Variants in DUSP29 observed in about 807,000 individuals in gnomAD.
The protein encoded by DUSP29 is dual specificity phosphatase 29.
Under a neutral mutation model 13.5 loss-of-function variants are expected in DUSP29, and 12 were observed. The ratio of observed to expected loss-of-function variants is 0.89; its 90% confidence interval spans 0.57 to 1.44. The LOEUF is 1.44. DUSP29 is among the 40% of genes most tolerant of loss of function. The probability of loss-of-function intolerance (pLI) is 0.00; values close to 1 mark genes in which losing one functional copy is unlikely to be tolerated. For missense variants in DUSP29, 308 were observed against 301.1 expected, an observed-to-expected ratio of 1.02 and a Z score of -0.17; for synonymous variants, 134 against 128.7, an observed-to-expected ratio of 1.04 and a Z score of -0.28.
intron 1 of DUSP29, among the ~76,000 whole-genome samples, chr10:75,070,600 C>T (rs999381140): frequency 6.6e-6 from 1 of 152,116 alleles, no homozygotes; most frequent in African/African-American, 2.4e-5. Flanking sequence ...GTGGGGAATT[C>T]CCAGCTGTAC....
intron 1 of DUSP29, among the ~76,000 whole-genome samples, chr10:75,066,308 C>T (rs1002083337): frequency 1.3e-5 from 2 of 151,942 alleles, no homozygotes; most frequent in African/African-American, 2.4e-5. Context: ...TGCCCCATAG[C>T]TGTGGCAGCC....
At chr10:75,053,361 TC>T (rs1468261838) in intron 2 of DUSP29, among the ~76,000 whole-genome samples, 1 of 152,218 alleles carries the variant, frequency 6.6e-6, no homozygotes, top group Non-Finnish European at 1.5e-5. Flanking sequence ...CGAGCCTAGA[TC>T]CATGTCTTCT....
At chr10:75,054,303 A>T (rs1846909400) in intron 2 of DUSP29, among the ~76,000 whole-genome samples, 1 of 152,362 alleles carries the variant, frequency 6.6e-6, no homozygotes, top group East Asian at 1.9e-4. Context: ...TAGAAAAAAC[A>T]TTATGTGTAA....
Position 75,038,070 on chromosome 10 carries a change from G to C in DUSP29, c.429C>G (p.Ile143Met). The C allele has an allele frequency of 6.2e-7, 1 of 1,612,652 alleles. No individual in the cohort carries two copies. The highest frequency in any genetic ancestry group is 1.1e-5 in the South Asian group (1 of 91,024). Residue 143 changes from isoleucine to methionine, a missense_variant, in exon 4 of 4, where the codon ATC (isoleucine) becomes ATG (methionine). Coordinates refer to ENST00000338487, the MANE Select transcript of DUSP29 (RefSeq NM_001003892.3). ...TGCGGCCCATGACGCAGTGAACCAGGATCTTACCTGCAGATGGAGCAGGGA... is the reference window on the plus strand; with the variant it reads ...TGCGGCCCATGACGCAGTGAACCAGCATCTTACCTGCAGATGGAGCAGGGA... ...DRALSDDHSK[I>M]LVHCVMGRSR...
Position 75,051,220 on chromosome 10 carries a change from G to A in DUSP29, c.200+7095C>T, listed in dbSNP as rs117489386. ...TCCCAAGGCTTCCCCTAGCATGGGG[G>A]ACCCTGGGTGGCAAGGCACAGTGAC... is the stretch of plus-strand genomic sequence containing the variant. On this transcript the variant is annotated intron_variant, in intron 2 of 3. Coordinates refer to ENST00000338487, the MANE Select transcript of DUSP29 (RefSeq NM_001003892.3). Among the ~76,000 whole-genome samples, 24 of 152,290 alleles carry A rather than the reference G, an allele frequency of 1.6e-4. No homozygotes were observed. The East Asian group carries it at 4.4e-3, about 28-fold the overall frequency.
intron 1 of DUSP29, among the ~76,000 whole-genome samples, chr10:75,072,644 GA>G (rs536582231): frequency 1.1e-4 from 16 of 152,032 alleles, no homozygotes; most frequent in Non-Finnish European, 1.8e-4. Flanking sequence ...GGGGGCAGCG[GA>G]AAAAACATCC....
chr10:75,044,207 C>T (rs1030856039), intron 2 of DUSP29, among the ~76,000 whole-genome samples, 190 bp from the exon 3 acceptor site: 2 of 152,216 alleles, frequency 1.3e-5, no homozygotes, highest in African/African-American at 4.8e-5. Flanking sequence ...GATTCTGGCT[C>T]GGCTGTCTCA....
intron 3 of DUSP29, among the ~76,000 whole-genome samples, chr10:75,042,617 G>A (rs2134281559): frequency 6.6e-6 from 1 of 152,324 alleles, no homozygotes; most frequent in Non-Finnish European, 1.5e-5. Flanking sequence ...ATTGCTTTCT[G>A]AGCCAAAATA....
chr10:75,059,179 C>A (rs184514348), intron 1 of DUSP29, among the ~76,000 whole-genome samples: 171 of 152,324 alleles, frequency 1.1e-3, no homozygotes, highest in African/African-American at 3.8e-3. Context: ...CTGGCCATCA[C>A]TGTGTTAACT....
chr10:75,061,991 G>A (rs560454128), intron 1 of DUSP29, among the ~76,000 whole-genome samples: 3 of 152,312 alleles, frequency 2.0e-5, no homozygotes, highest in African/African-American at 7.2e-5. Flanking sequence ...GACTGCAGGC[G>A]CAGGGTGGGC....
intron 2 of DUSP29, among the ~76,000 whole-genome samples, chr10:75,047,589 A>G (rs1291483326): frequency 2.0e-5 from 3 of 152,262 alleles, no homozygotes; most frequent in African/African-American, 7.2e-5. Flanking sequence ...GTCCACATAA[A>G]TGCCTCTGCT....
intron 2 of DUSP29, among the ~76,000 whole-genome samples, chr10:75,050,452 T>C (rs1564641594): frequency 6.6e-6 from 1 of 152,244 alleles, no homozygotes; most frequent in African/African-American, 2.4e-5. Context: ...TTAAAAGTAA[T>C]AAAACAAGTG....
intron 1 of DUSP29, among the ~76,000 whole-genome samples, chr10:75,060,148 G>A (rs1356967817): frequency 6.6e-6 from 1 of 150,922 alleles, no homozygotes; most frequent in Non-Finnish European, 1.5e-5. Context: ...CAACAAGAGT[G>A]AAACTCCATC....
intron 1 of DUSP29, among the ~76,000 whole-genome samples, chr10:75,062,571 A>G (rs1440403192): frequency 5.9e-5 from 9 of 152,232 alleles, no homozygotes; most frequent in Non-Finnish European, 1.2e-4. Flanking sequence ...ATTATCCTCC[A>G]GCACGCAGAT....
At chr10:75,069,990 C>G (rs1320436273) in intron 1 of DUSP29, among the ~76,000 whole-genome samples, 2 of 150,680 alleles carry the variant, frequency 1.3e-5, no homozygotes, top group African/African-American at 2.4e-5. Context: ...GTGGAGGTTG[C>G]TGTGAGCCAA....
In DUSP29 at chr10:75,072,012, C is replaced by T. The variant is rs942651452; in HGVS notation, c.-35+1557G>A. On this transcript the variant is annotated intron_variant, in intron 1 of 3. Coordinates refer to ENST00000338487, the MANE Select transcript of DUSP29 (RefSeq NM_001003892.3). ...GCCAGAGCGGTTGGAGGAGAAGAGT[C>T]GGCTGCTGAGTGGCCCAACTCCAGG... Among the ~76,000 whole-genome samples the T allele has an allele frequency of 3.9e-5, 6 of 152,204 alleles. No individual in the cohort carries two copies. The East Asian group carries it at 5.8e-4, about 15-fold the overall frequency.
intron 1 of DUSP29, among the ~76,000 whole-genome samples, chr10:75,060,304 A>T (rs1847058894): frequency 6.6e-6 from 1 of 152,068 alleles, no homozygotes; most frequent in South Asian, 2.1e-4. Flanking sequence ...ACCCATCTCT[A>T]CAAAAAAATG....
intron 1 of DUSP29, among the ~76,000 whole-genome samples, chr10:75,066,376 G>A (rs1847201306): frequency 6.6e-6 from 1 of 152,150 alleles, no homozygotes; most frequent in Admixed American, 6.5e-5. Flanking sequence ...CCATGTTCTC[G>A]GTGACTCCAA....
At position 75,039,205 on chromosome 10, in the gene DUSP29, A is replaced by G. The variant is rs150289517; in HGVS notation, c.422-1128T>C. ...GATACTTTTCTTCATGACTACAGTC[A>G]GAGCCCTTGAGGCATGCCTGACCAC... On this transcript the variant is annotated intron_variant, in intron 3 of 3. Coordinates refer to ENST00000338487, the MANE Select transcript of DUSP29 (RefSeq NM_001003892.3). Among the ~76,000 whole-genome samples the G allele has an allele frequency of 3.2e-3, 488 of 152,340 alleles. 10 individuals are homozygous for G. Among genetic ancestry groups the G allele is most frequent in the African/African-American group, 0.011 (469 of 41,568 alleles).
Sources: gnomAD v4.1 joint callset for allele counts (sites outside exome capture counted in the v4.1 genomes callset) on GRCh38, gnomAD v4.1.1 for gene constraint, MANE v1.5 for transcripts, NCBI Gene and HGNC (gene_info 2026-07-23, HGNC 2026-07-21) for gene names.